Variants in ARHGAP35 observed in about 807,000 individuals in gnomAD.
The protein encoded by ARHGAP35 is rho GTPase-activating protein 35.
ARHGAP35 carries 15 observed loss-of-function variants against 111.1 expected under a neutral mutation model. The ratio of observed to expected loss-of-function variants is 0.13; its 90% confidence interval spans 0.09 to 0.21. ARHGAP35 has a LOEUF of 0.21. Ranked by LOEUF, ARHGAP35 falls within the 10% of genes least tolerant of loss-of-function variation. ARHGAP35 has a pLI of 1.00. For missense variants in ARHGAP35, 1,262 were observed against 1,873.0 expected, an observed-to-expected ratio of 0.67 and a Z score of 6.02; for synonymous variants, 643 against 710.3, an observed-to-expected ratio of 0.91 and a Z score of 1.51.
chr19:46,877,687 T>A (rs1161299645), intron 1 of ARHGAP35, among the ~76,000 whole-genome samples: 1 of 152,164 alleles, frequency 6.6e-6, no homozygotes, highest in Non-Finnish European at 1.5e-5. Flanking sequence ...AGTACCTTTT[T>A]AAAAATTTAA....
intron 1 of ARHGAP35, among the ~76,000 whole-genome samples, chr19:46,865,798 C>T (rs559468342): frequency 1.3e-5 from 2 of 152,286 alleles, no homozygotes; most frequent in Non-Finnish European, 2.9e-5. Flanking sequence ...TGACTTTTGT[C>T]GGTCACCACC....
At chr19:46,875,589 T>A (rs1266517484) in intron 1 of ARHGAP35, among the ~76,000 whole-genome samples, 1 of 152,200 alleles carries the variant, frequency 6.6e-6, no homozygotes. Flanking sequence ...TTATTCTTAA[T>A]CTGAGTTCTC....
In ARHGAP35 at chr19:46,921,059, G is replaced by C; in HGVS notation, c.2384G>C (p.Ser795Thr). 6.2e-7 allele frequency: 1 copy of C among 1,613,986 alleles called. No individual in the cohort carries two copies. The highest frequency in any genetic ancestry group is 1.1e-5 in the South Asian group (1 of 91,082). ...TGTCTGATGTGTGGAGATCCTTTTA[G>C]TGCAGATGACATACTTTTTCCTGTC... ...VMCLMCGDPF[S>T]ADDILFPVLQ... is the part of the protein sequence containing the mutation. The change falls in exon 2 of 7, where the codon AGT becomes ACT. Residue 795 changes from serine (S) to threonine (T), a missense_variant. Transcript: ENST00000672722. This position sits in a 1 kb window ranked among gnomAD's most constrained non-coding sequence, Gnocchi z 4.3.
chr19:46,998,498 A>G (rs1053745138), intron 5 of ARHGAP35, among the ~76,000 whole-genome samples: 2 of 152,072 alleles, frequency 1.3e-5, no homozygotes, highest in Non-Finnish European at 2.9e-5. Flanking sequence ...GGTGGGCCAC[A>G]CCCACTCGGG....
chr19:46,957,196 C>G (rs927949868), intron 3 of ARHGAP35, among the ~76,000 whole-genome samples: 1 of 151,802 alleles, frequency 6.6e-6, no homozygotes, highest in South Asian at 2.1e-4. Context: ...CTCCTGACCT[C>G]GTGATCCACC....
At chr19:46,935,070 T>A (rs79033183) in intron 2 of ARHGAP35, among the ~76,000 whole-genome samples, 3,507 of 152,350 alleles carry the variant, frequency 0.023, 140 homozygotes, top group African/African-American at 0.079. Flanking sequence ...CATACATCGT[T>A]AATTGGCATT....
At chr19:46,910,286 A>T (rs923084643) in intron 1 of ARHGAP35, among the ~76,000 whole-genome samples, 1 of 150,586 alleles carries the variant, frequency 6.6e-6, no homozygotes, top group South Asian at 2.1e-4. Context: ...TTAATTTTTT[A>T]TTTTTTTTCT....
In ARHGAP35 at chr19:46,945,806, CCT is replaced by C. The variant is rs2056376238; in HGVS notation, c.3826+8399_3826+8400del. On this transcript the variant is annotated intron_variant, in intron 3 of 6. Coordinates refer to ENST00000672722, the MANE Select transcript of ARHGAP35 (RefSeq NM_004491.5). This position sits in a 1 kb window ranked among gnomAD's most constrained non-coding sequence, Gnocchi z 4.1. ...TAATATGTGAGGCCAGACTTCGTTC[CCT>C]GTTTCTGTGATTTTTAACCTCTGCT... Among the ~76,000 whole-genome samples, 1 of 152,128 alleles carries C rather than the reference CCT, an allele frequency of 6.6e-6. No individual in the cohort carries two copies. Among genetic ancestry groups the C allele is most frequent in the African/African-American group, 2.4e-5 (1 of 41,390 alleles).
intron 1 of ARHGAP35, among the ~76,000 whole-genome samples, chr19:46,915,313 C>T (rs1347207772): frequency 6.6e-6 from 1 of 152,158 alleles, no homozygotes; most frequent in South Asian, 2.1e-4. Context: ...AACATGGCAT[C>T]TTTAGGAACA....
At chr19:46,944,215 C>A (rs2056365499) in intron 3 of ARHGAP35, among the ~76,000 whole-genome samples, 1 of 151,244 alleles carries the variant, frequency 6.6e-6, no homozygotes, top group Admixed American at 6.6e-5. Flanking sequence ...AGGAGGATCG[C>A]TTGAGCCCAG....
At chr19:46,932,683 G>A (rs754917172) in intron 2 of ARHGAP35, among the ~76,000 whole-genome samples, 9 of 152,280 alleles carry the variant, frequency 5.9e-5, no homozygotes, top group Non-Finnish European at 1.3e-4. Flanking sequence ...TTCCAATTTT[G>A]TGACACCCTA....
intron 3 of ARHGAP35, among the ~76,000 whole-genome samples, chr19:46,961,938 G>C (rs2056485235): frequency 6.6e-6 from 1 of 151,672 alleles, no homozygotes; most frequent in East Asian, 1.9e-4. Context: ...TCAAAAAAGA[G>C]AGAGAGAAAG....
intron 1 of ARHGAP35, among the ~76,000 whole-genome samples, chr19:46,867,178 C>T (rs2055862577): frequency 6.6e-6 from 1 of 152,218 alleles, no homozygotes. Context: ...AGTATCATTA[C>T]AGGAAAGTAA....
chr19:46,903,871 A>G (rs1039481739), intron 1 of ARHGAP35, among the ~76,000 whole-genome samples: 3 of 152,018 alleles, frequency 2.0e-5, no homozygotes, highest in African/African-American at 4.8e-5. Context: ...GCTCCCCAAC[A>G]GGATATGTTA....
intron 1 of ARHGAP35, among the ~76,000 whole-genome samples, chr19:46,877,768 G>A (rs2055933814): frequency 6.6e-6 from 1 of 151,632 alleles, no homozygotes; most frequent in African/African-American, 2.4e-5. Context: ...GTTCAGTAGT[G>A]CCATCTCAGC....
At chr19:46,906,693 G>A (rs1483171932) in intron 1 of ARHGAP35, among the ~76,000 whole-genome samples, 1 of 152,196 alleles carries the variant, frequency 6.6e-6, no homozygotes, top group African/African-American at 2.4e-5. Flanking sequence ...CAGTACAGAT[G>A]CAGTAGATAA....
At position 46,918,897 on chromosome 19, in the gene ARHGAP35, C is replaced by A. The variant is rs1308536908; in HGVS notation, c.222C>A (p.Leu74=). 1 of 1,614,008 alleles carries A rather than the reference C, an allele frequency of 6.2e-7. No homozygotes were observed. The highest frequency in any genetic ancestry group is 8.5e-7 in the Non-Finnish European group (1 of 1,179,906). ...GGRVVNNDHF[L]YWGEVSRSLE... is the part of the protein sequence containing the mutation. Reference sequence around the variant, plus strand: ...GAGTGGTCAATAATGACCACTTTCTCTACTGGGGAGAAGTTAGCCGCTCCC... The same window carrying A: ...GAGTGGTCAATAATGACCACTTTCTATACTGGGGAGAAGTTAGCCGCTCCC... Residue 74 remains leucine, a synonymous_variant, in exon 2 of 7, where the codon CTC becomes CTA. Transcript: ENST00000672722. This position sits in a 1 kb window ranked among gnomAD's most constrained non-coding sequence, Gnocchi z 5.4.
rs1472856587 is a variant in ARHGAP35, at chr19:46,918,944, A to G, written c.269A>G (p.Lys90Arg). ...TCCCTGGAGGATTGTGTGGAATGTA[A>G]GATGCACATTGTGGAGCAGACTGAA... Reference protein sequence around the residue: ...SRSLEDCVECKMHIVEQTEFI... With the variant: ...SRSLEDCVECRMHIVEQTEFI... The change falls in exon 2 of 7, where the codon AAG (lysine) becomes AGG (arginine). Residue 90 changes from lysine (K) to arginine (R), a missense_variant. Lys to Arg is a conservative substitution (Grantham distance 26). This residue lies in a region of ARHGAP35 where 125 missense variants were observed against 301.7 expected (regional missense o/e 0.41). Transcript: ENST00000672722. The surrounding 1 kb of genome is among the most constrained non-coding windows in gnomAD (Gnocchi z 5.4). 1 of 1,613,966 alleles carries G rather than the reference A, an allele frequency of 6.2e-7. No individual in the cohort carries two copies. The highest frequency in any genetic ancestry group is 1.7e-5 in the Admixed American group (1 of 60,010).
chr19:47,000,982 G>A lies in ARHGAP35; in HGVS notation c.*294G>A, dbSNP rs2056745360. Reference sequence around the variant, plus strand: ...CCCTGGACCACCACCCCACGTAGCTGCTCACACCAGCCTCCGGGTGCCTCC... The same window carrying A: ...CCCTGGACCACCACCCCACGTAGCTACTCACACCAGCCTCCGGGTGCCTCC... On this transcript the variant is annotated 3_prime_UTR_variant, in exon 7 of 7. Transcript: ENST00000672722. The surrounding 1 kb of genome is among the most constrained non-coding windows in gnomAD (Gnocchi z 6.9). 4 of 1,497,038 alleles carry A rather than the reference G, an allele frequency of 2.7e-6. No homozygotes were observed. Among genetic ancestry groups the A allele is most frequent in the African/African-American group, 2.8e-5 (2 of 72,202 alleles). 92.7% of individuals were successfully genotyped at this position (1,497,038 alleles called of 1,614,324 possible). A position where few individuals can be genotyped will look rare whatever the true frequency, so the allele number is the denominator to read the frequency against.
Sources: allele counts gnomAD v4.1 joint callset (sites outside exome capture counted in the v4.1 genomes callset), GRCh38; gene constraint gnomAD v4.1.1; regional missense constraint gnomAD v4.1.1; non-coding constraint Gnocchi (gnomAD v3.1); transcripts MANE v1.5; gene names NCBI Gene and HGNC (gene_info 2026-07-23, HGNC 2026-07-21).